The following SUGCT variants were observed in gnomAD, a reference collection of about 807,000 sequenced individuals.
SUGCT encodes succinyl-CoA:glutarate CoA-transferase.
Under a neutral mutation model 55.0 loss-of-function variants are expected in SUGCT, and 41 were observed. The observed-to-expected ratio is 0.74, with a 90% confidence interval of 0.58 to 0.97. The LOEUF is 0.97. SUGCT is among the 50% of genes least tolerant of loss of function. The probability of loss-of-function intolerance (pLI) is 0.00; values close to 1 mark genes in which losing one functional copy is unlikely to be tolerated. For missense variants in SUGCT, 568 were observed against 547.8 expected (o/e 1.04, Z -0.37); for synonymous variants, 187 against 200.4 (o/e 0.93, Z 0.56).
chr7:40,988,709 A>G, the SUGCT span, among the ~76,000 whole-genome samples: 1 of 152,204 alleles, frequency 6.6e-6, no homozygotes, highest in African/African-American at 2.4e-5. Flanking sequence ...AAGATAAACT[A>G]AAGAACTCCC....
chr7:40,194,653 A>T (rs1786139898), intron 5 of SUGCT, among the ~76,000 whole-genome samples: 1 of 152,230 alleles, frequency 6.6e-6, no homozygotes, highest in African/African-American at 2.4e-5. Context: ...TCTTTTGAGA[A>T]TCTATTTGGA....
intron 9 of SUGCT, among the ~76,000 whole-genome samples, chr7:40,365,622 GACAA>G (rs1301319005): frequency 6.6e-6 from 1 of 151,680 alleles, no homozygotes; most frequent in Non-Finnish European, 1.5e-5. Flanking sequence ...ACCAATAACA[GACAA>G]ACAGAGAGCC....
intron 11 of SUGCT, among the ~76,000 whole-genome samples, chr7:40,491,112 C>G (rs779746429): frequency 4.5e-4 from 68 of 152,262 alleles, no homozygotes; most frequent in Middle Eastern, 6.8e-3. Context: ...TGCCAGTTAT[C>G]TTCTAATTAC....
At chr7:40,969,770 G>A in the SUGCT span, among the ~76,000 whole-genome samples, 2 of 152,156 alleles carry the variant, frequency 1.3e-5, no homozygotes, top group Non-Finnish European at 2.9e-5. Context: ...TTCTACATCT[G>A]TTTTGGTTCA....
At chr7:40,973,938 A>T in the SUGCT span, among the ~76,000 whole-genome samples, 1 of 152,256 alleles carries the variant, frequency 6.6e-6, no homozygotes, top group Non-Finnish European at 1.5e-5. Context: ...CATTTGAGGC[A>T]GATAAATTGA....
the SUGCT span, among the ~76,000 whole-genome samples, chr7:41,008,857 G>A: frequency 1.3e-5 from 2 of 152,056 alleles, no homozygotes; most frequent in Admixed American, 6.5e-5. Flanking sequence ...CCCTCCTGCT[G>A]CCTCGTGGTC....
intron 12 of SUGCT, among the ~76,000 whole-genome samples, chr7:40,656,883 G>T (rs1164703056): frequency 6.6e-6 from 1 of 152,178 alleles, no homozygotes; most frequent in African/African-American, 2.4e-5. Context: ...GAGTCATTTT[G>T]CTGCAGTTAA....
intron 13 of SUGCT, among the ~76,000 whole-genome samples, chr7:40,758,279 G>T (rs1397295461): frequency 6.6e-6 from 1 of 151,868 alleles, no homozygotes; most frequent in Non-Finnish European, 1.5e-5. Flanking sequence ...GAATTTCATG[G>T]AATTTTTTTT....
intron 9 of SUGCT, among the ~76,000 whole-genome samples, chr7:40,370,443 C>T (rs1784234124): frequency 6.6e-6 from 1 of 151,904 alleles, no homozygotes; most frequent in Non-Finnish European, 1.5e-5. Flanking sequence ...ATTGCTGATC[C>T]CCCCATATGA....
In SUGCT at chr7:40,338,211, C is replaced by A. The variant is rs1402484472; in HGVS notation, c.816+21356C>A. ...TTCCTTCATTTCAAGTTTGGTGAAT[C>A]TGACAATTATGTGTCTTGGAGTGCT... On this transcript the variant is annotated intron_variant, in intron 9 of 13. Coordinates refer to ENST00000335693, the MANE Select transcript of SUGCT (RefSeq NM_001193313.2). Among the ~76,000 whole-genome samples the A allele has an allele frequency of 2.6e-5, 4 of 152,186 alleles. No individual in the cohort carries two copies. The East Asian group carries it at 5.8e-4, about 22-fold the overall frequency.
At chr7:40,154,495 A>G (rs1783783562) in intron 1 of SUGCT, among the ~76,000 whole-genome samples, 1 of 151,916 alleles carries the variant, frequency 6.6e-6, no homozygotes, top group South Asian at 2.1e-4. Context: ...TCAGGCTTAA[A>G]ACTTTTTTTT....
At chr7:40,991,490 T>C in the SUGCT span, among the ~76,000 whole-genome samples, 1 of 152,078 alleles carries the variant, frequency 6.6e-6, no homozygotes, top group Admixed American at 6.5e-5. Context: ...ACCGATAGAC[T>C]TGTTGGATAC....
intron 1 of SUGCT, among the ~76,000 whole-genome samples, chr7:40,152,855 C>T (rs778054505): frequency 3.9e-5 from 6 of 151,958 alleles, no homozygotes; most frequent in African/African-American, 1.2e-4. Context: ...CGCCCACCAC[C>T]GTGCCCGGCT....
chr7:40,180,903 A>G, intron 1 of SUGCT, 44 bp from the exon 2 acceptor site: 2 of 1,428,616 alleles, frequency 1.4e-6, no homozygotes, highest in Non-Finnish European at 2.0e-6. Context: ...AATGTAAGAA[A>G]ATTACTAATG....
intron 1 of SUGCT, among the ~76,000 whole-genome samples, chr7:40,150,083 C>A (rs969628377): frequency 1.3e-5 from 2 of 151,948 alleles, no homozygotes; most frequent in African/African-American, 2.4e-5. Context: ...CAGAGTGAGA[C>A]CCTGCCTCAA....
chr7:41,005,292 C>A, the SUGCT span, among the ~76,000 whole-genome samples: 12 of 152,118 alleles, frequency 7.9e-5, no homozygotes, highest in Non-Finnish European at 1.6e-4. Flanking sequence ...CCTATCGAAG[C>A]AAGTCAGGCT....
At chr7:40,987,762 C>T in the SUGCT span, among the ~76,000 whole-genome samples, 3 of 152,160 alleles carry the variant, frequency 2.0e-5, no homozygotes, top group Admixed American at 2.0e-4. Context: ...GAATTCCAGG[C>T]ATTTGTTGAT....
At chr7:40,754,677 T>A (rs2128716175) in intron 13 of SUGCT, among the ~76,000 whole-genome samples, 1 of 152,298 alleles carries the variant, frequency 6.6e-6, no homozygotes, top group South Asian at 2.1e-4. Flanking sequence ...TGAGGAAAGG[T>A]TTCTCTGAGA....
intron 10 of SUGCT, among the ~76,000 whole-genome samples, chr7:40,450,189 A>G (rs1295884339): frequency 6.6e-6 from 1 of 151,866 alleles, no homozygotes; most frequent in Non-Finnish European, 1.5e-5. Flanking sequence ...TGGCCTCCCA[A>G]AGTTCTAGAA....
Sources: allele counts gnomAD v4.1 joint callset (sites outside exome capture counted in the v4.1 genomes callset), GRCh38; gene constraint gnomAD v4.1.1; transcripts MANE v1.5; gene names NCBI Gene and HGNC (gene_info 2026-07-23, HGNC 2026-07-21).